Variants in SOS1 observed in about 807,000 individuals in gnomAD.
SOS1 encodes SOS Ras/Rac guanine nucleotide exchange factor 1.
Under a neutral mutation model 157.6 loss-of-function variants are expected in SOS1, and 25 were observed. That is an observed-to-expected ratio of 0.16 (90% CI 0.12 to 0.22). SOS1 has a LOEUF of 0.22. SOS1 is among the 10% of genes least tolerant of loss of function. The pLI is 1.00. For missense variants in SOS1, 1,237 were observed against 1,599.1 expected, an observed-to-expected ratio of 0.77 and a Z score of 3.86; for synonymous variants, 528 against 534.0, an observed-to-expected ratio of 0.99 and a Z score of 0.16.
intron 21 of SOS1, 132 bp from the exon 22 acceptor site, chr2:38,987,723 C>A (rs1668598244): frequency 1.5e-6 from 1 of 663,336 alleles, no homozygotes. Context: ...GTTCAATAAA[C>A]CAATACCGAA....
At chr2:39,120,265 CTCCCCAGCCCT>C (rs954124621) in intron 1 of SOS1, 60 bp downstream of exon 1, 11 of 1,368,144 alleles carry the variant, frequency 8.0e-6, no homozygotes, top group Admixed American at 2.7e-5. Context: ...CGCGCCCCGC[CTCCCCAGCCCT>C]TCCCCAGCGC....
At chr2:39,014,736 G>A in intron 11 of SOS1, 29 bp downstream of exon 11, 1 of 1,195,114 alleles carries the variant, frequency 8.4e-7, no homozygotes, top group South Asian at 1.3e-5. Flanking sequence ...AAAAAATAAT[G>A]AATTTAAATA....
At chr2:39,058,876 T>C in intron 2 of SOS1, 72 bp from the exon 3 acceptor site, 1 of 1,254,148 alleles carries the variant, frequency 8.0e-7, no homozygotes. Context: ...AATTTACTTT[T>C]AAAATCAAAG....
At chr2:39,093,417 A>G (rs1477572452) in intron 1 of SOS1, among the ~76,000 whole-genome samples, 3 of 152,248 alleles carry the variant, frequency 2.0e-5, no homozygotes, top group African/African-American at 7.2e-5. Flanking sequence ...CCACCAAGAC[A>G]TAAGAGGGTC....
intron 8 of SOS1, among the ~76,000 whole-genome samples, chr2:39,030,676 C>T (rs1362540018): frequency 1.3e-5 from 2 of 151,946 alleles, no homozygotes; most frequent in African/African-American, 4.8e-5. Context: ...TTATAGTGTA[C>T]CAAAAACTTA....
intron 1 of SOS1, among the ~76,000 whole-genome samples, chr2:39,083,280 CAGAATGGA>C (rs1672269845): frequency 6.6e-6 from 1 of 151,920 alleles, no homozygotes; most frequent in South Asian, 2.1e-4. Flanking sequence ...CAATTTAAAG[CAGAATGGA>C]ATCTAGTGAA....
chr2:38,993,169 A>G (rs1668784586), intron 20 of SOS1: 1 of 151,812 alleles, frequency 6.6e-6, no homozygotes, highest in South Asian at 2.1e-4. Context: ...AATACACTTT[A>G]TTTATTTTGA....
At chr2:39,068,163 C>A (rs571653772) in intron 1 of SOS1, among the ~76,000 whole-genome samples, 3 of 152,278 alleles carry the variant, frequency 2.0e-5, no homozygotes, top group East Asian at 3.9e-4. Context: ...GTCTGGCTTG[C>A]AAATACAGAT....
intron 20 of SOS1, among the ~76,000 whole-genome samples, chr2:38,990,818 T>C (rs1315661234): frequency 1.3e-5 from 2 of 152,206 alleles, no homozygotes; most frequent in East Asian, 3.8e-4. Flanking sequence ...GGGGCACTAG[T>C]TGTCTTATTG....
intron 1 of SOS1, among the ~76,000 whole-genome samples, chr2:39,100,410 A>G (rs1672924110): frequency 6.6e-6 from 1 of 152,212 alleles, no homozygotes; most frequent in Non-Finnish European, 1.5e-5. Context: ...ACAATGTGTC[A>G]ACTGACAGAT....
chr2:39,100,280 A>ACT (rs1672917799), intron 1 of SOS1, among the ~76,000 whole-genome samples: 1 of 152,234 alleles, frequency 6.6e-6, no homozygotes, highest in Non-Finnish European at 1.5e-5. Flanking sequence ...AAACTTAAAA[A>ACT]TAGAACTACC....
At chr2:39,120,262 C>T in intron 1 of SOS1, 74 bp downstream of exon 1, 1 of 1,348,334 alleles carries the variant, frequency 7.4e-7, no homozygotes, top group Admixed American at 2.7e-5. Flanking sequence ...GCGCGCGCCC[C>T]GCCTCCCCAG....
chr2:38,997,964 A>T (rs905840699), intron 17 of SOS1, among the ~76,000 whole-genome samples: 3 of 152,194 alleles, frequency 2.0e-5, no homozygotes, highest in African/African-American at 7.2e-5. Context: ...ATGATTTGCA[A>T]TTGAGAAGTA....
intron 1 of SOS1, among the ~76,000 whole-genome samples, chr2:39,068,158 G>C (rs1254906337): frequency 6.6e-6 from 1 of 152,126 alleles, no homozygotes; most frequent in Non-Finnish European, 1.5e-5. Flanking sequence ...ATGTGGTCTG[G>C]CTTGCAAATA....
intron 8 of SOS1, among the ~76,000 whole-genome samples, chr2:39,024,694 A>G (rs1284828208): frequency 6.6e-6 from 1 of 152,062 alleles, no homozygotes; most frequent in Non-Finnish European, 1.5e-5. Context: ...TACTTTTCCC[A>G]TTTGCCAAAT....
intron 1 of SOS1, among the ~76,000 whole-genome samples, chr2:39,105,615 T>C (rs751231101): frequency 1.3e-5 from 2 of 152,156 alleles, no homozygotes; most frequent in Admixed American, 6.5e-5. Context: ...ATCAAACCAG[T>C]GGCCAGGCCT....
intron 17 of SOS1, among the ~76,000 whole-genome samples, chr2:39,002,232 A>G (rs1401087474): frequency 3.9e-5 from 1 of 25,416 alleles, no homozygotes; most frequent in East Asian, 5.4e-4. Context: ...AGGCTGAGGC[A>G]GGAGAACTGC....
intron 2 of SOS1, among the ~76,000 whole-genome samples, chr2:39,063,907 A>T (rs1671498466): frequency 6.6e-6 from 1 of 151,702 alleles, no homozygotes; most frequent in Admixed American, 6.6e-5. Flanking sequence ...ATCACAGCTT[A>T]CTGCAACCTC....
intron 1 of SOS1, among the ~76,000 whole-genome samples, chr2:39,092,691 T>TA (rs1408175706): frequency 1.3e-5 from 2 of 152,154 alleles, no homozygotes; most frequent in Admixed American, 6.5e-5. Flanking sequence ...ATGAAATGAT[T>TA]AAAAACCAAA....
Sources: gnomAD v4.1 joint callset for allele counts (sites outside exome capture counted in the v4.1 genomes callset) on GRCh38, gnomAD v4.1.1 for gene constraint, MANE v1.5 for transcripts, NCBI Gene and HGNC (gene_info 2026-07-23, HGNC 2026-07-21) for gene names.